Variants in DOCK1 observed in about 807,000 individuals in gnomAD.
DOCK1 encodes the protein dedicator of cytokinesis protein 1.
A neutral mutation model predicts 262.7 loss-of-function variants in DOCK1; 138 were observed. That is an observed-to-expected ratio of 0.53 (90% confidence interval 0.46 to 0.61). DOCK1 has a LOEUF of 0.61. DOCK1 is among the 20% of genes least tolerant of loss of function. DOCK1 has a pLI of 0.00. For missense variants in DOCK1, 1,908 were observed against 2,370.7 expected, an observed-to-expected ratio of 0.80 and a Z score of 4.05; for synonymous variants, 866 against 867.4, an observed-to-expected ratio of 1.00 and a Z score of 0.03.
chr10:127,204,940 G>C (rs1475105904), intron 27 of DOCK1, among the ~76,000 whole-genome samples: 1 of 152,118 alleles, frequency 6.6e-6, no homozygotes, highest in Non-Finnish European at 1.5e-5. Context: ...GGGTGGCCTG[G>C]CTCTGTTTGA....
intron 28 of DOCK1, among the ~76,000 whole-genome samples, chr10:127,250,906 G>A (rs1221451061): frequency 6.7e-6 from 1 of 148,312 alleles, no homozygotes; most frequent in Non-Finnish European, 1.5e-5. Flanking sequence ...CAGAACTTTT[G>A]TAAAATGTGT....
At chr10:127,442,026 C>T (rs870417) in intron 49 of DOCK1, among the ~76,000 whole-genome samples, 2,724 of 152,210 alleles carry the variant, frequency 0.018, 73 homozygotes, top group African/African-American at 0.063. Flanking sequence ...GCGCTTCACC[C>T]GGCCTTTCCT....
rs909068370 is a variant in DOCK1 at position 127,095,936 on chromosome 10, C to T, written c.2446-10295C>T. Among the ~76,000 whole-genome samples the T allele has an allele frequency of 1.4e-4, 22 of 152,242 alleles. 1 individual carries two copies. The highest frequency in any genetic ancestry group is 5.1e-4 in the African/African-American group (21 of 41,548). Reference sequence around the variant, plus strand: ...AACACGCAGATACTTGTGGGAACAACGTCCCTCAGGCGTTAAATTGACATT... The same window carrying T: ...AACACGCAGATACTTGTGGGAACAATGTCCCTCAGGCGTTAAATTGACATT... On this transcript the variant is annotated intron_variant, in intron 23 of 51. Coordinates refer to ENST00000623213, the MANE Select transcript of DOCK1 (RefSeq NM_001290223.2).
intron 27 of DOCK1, among the ~76,000 whole-genome samples, chr10:127,154,421 T>C (rs1057230792): frequency 6.6e-6 from 1 of 152,174 alleles, no homozygotes; most frequent in South Asian, 2.1e-4. Flanking sequence ...TGAAAAAAAA[T>C]TGAAAGCATA....
chr10:127,122,629 ATT>A (rs34009633), intron 25 of DOCK1, among the ~76,000 whole-genome samples: 1,487 of 144,704 alleles, frequency 0.01, 11 homozygotes, highest in African/African-American at 0.026. Flanking sequence ...GGTTATAACA[ATT>A]TTTTTTTTTT....
rs778147174 is a variant in DOCK1, at chr10:127,374,128, C to T, written c.3589C>T (p.Arg1197Cys). Residue 1197 changes from arginine to cysteine, a missense_variant, in exon 35 of 52, where the codon CGC becomes TGC. Physicochemically the swap from Arg to Cys is radical, Grantham distance 180. Around this residue, in one of 9 missense-constraint regions of DOCK1, gnomAD observed 518 missense variants for 575.1 expected, o/e 0.90. Coordinates refer to ENST00000623213, the MANE Select transcript of DOCK1 (RefSeq NM_001290223.2). ...AGAAACTTTTGTAAAACTCGTTGTG[C>T]GCTTAATGGAAAGGCTTTTGGATTA... is the stretch of plus-strand genomic sequence containing the variant. ...TGETFVKLVV[R>C]LMERLLDYRT... 1.2e-5 allele frequency: 20 copies of T among 1,613,500 alleles called. No individual in the cohort carries two copies. The highest frequency in any genetic ancestry group is 1.6e-4 in the Middle Eastern group (1 of 6,084).
At chr10:127,412,032 A>G (rs7923230) in intron 43 of DOCK1, among the ~76,000 whole-genome samples, 38,757 of 151,492 alleles carry the variant, frequency 0.26, 5,250 homozygotes, top group African/African-American at 0.33. Context: ...CCATGATCTC[A>G]GCTCACTGCA....
intron 1 of DOCK1, among the ~76,000 whole-genome samples, chr10:126,906,989 G>A (rs1207812476): frequency 2.6e-5 from 4 of 152,154 alleles, no homozygotes; most frequent in Non-Finnish European, 5.9e-5. Context: ...TTGCAGATGA[G>A]GAAACTGAGG....
intron 1 of DOCK1, among the ~76,000 whole-genome samples, chr10:126,969,307 C>T (rs2037914252): frequency 6.6e-6 from 1 of 152,212 alleles, no homozygotes; most frequent in Non-Finnish European, 1.5e-5. Context: ...CTTTAGCTGT[C>T]TGTAGAGACC....
chr10:127,435,997 C>T (rs1211950504), intron 48 of DOCK1, among the ~76,000 whole-genome samples: 1 of 152,212 alleles, frequency 6.6e-6, no homozygotes, highest in Non-Finnish European at 1.5e-5. Flanking sequence ...ACAGCATCTA[C>T]TAATCCTTTT....
chr10:127,130,823 C>T (rs902430972), intron 27 of DOCK1, among the ~76,000 whole-genome samples: 2 of 152,188 alleles, frequency 1.3e-5, no homozygotes, highest in African/African-American at 4.8e-5. Context: ...CCCATGTATG[C>T]TGTCAGTCCC....
intron 27 of DOCK1, among the ~76,000 whole-genome samples, chr10:127,202,207 C>T (rs147223369): frequency 3.8e-4 from 58 of 152,186 alleles, no homozygotes; most frequent in African/African-American, 1.4e-3. Flanking sequence ...ACTGTAATCC[C>T]AGCTAGTCGG....
rs71474205 is a variant in DOCK1 at position 127,100,410 on chromosome 10, C to T, written c.2446-5821C>T. ...ATGCAGCTGGGGCTTGGCGGTGCAG[C>T]GCCTGGCACTGGAATCCCTAGGGAA... is the stretch of plus-strand genomic sequence containing the variant. On this transcript the variant is annotated intron_variant, in intron 23 of 51. Coordinates refer to ENST00000623213, the MANE Select transcript of DOCK1 (RefSeq NM_001290223.2). The surrounding 1 kb of genome is among the most constrained non-coding windows in gnomAD (Gnocchi z 5.5). 0.16 allele frequency among the ~76,000 whole-genome samples: 24,055 copies of T among 152,098 alleles called. 2,238 individuals carry two copies. Among genetic ancestry groups the T allele is most frequent in the African/African-American group, 0.26 (10,603 of 41,502 alleles).
chr10:127,093,550 C>T (rs767704461), intron 23 of DOCK1, among the ~76,000 whole-genome samples: 5 of 151,882 alleles, frequency 3.3e-5, no homozygotes, highest in East Asian at 3.9e-4. Context: ...GACTGGGTTT[C>T]GCTATGTTGC....
intron 27 of DOCK1, among the ~76,000 whole-genome samples, chr10:127,173,580 T>C (rs1340390728): frequency 6.6e-6 from 1 of 152,216 alleles, no homozygotes; most frequent in African/African-American, 2.4e-5. Flanking sequence ...TTTTACACCA[T>C]TTGGTGAACT....
chr10:126,948,566 G>T (rs1159634449), intron 1 of DOCK1, among the ~76,000 whole-genome samples: 5 of 152,024 alleles, frequency 3.3e-5, no homozygotes, highest in South Asian at 2.1e-4. Flanking sequence ...GTGGGGTCGG[G>T]ATAGGCACCC....
At chr10:127,201,096 TC>T (rs1217739962) in intron 27 of DOCK1, among the ~76,000 whole-genome samples, 1 of 152,226 alleles carries the variant, frequency 6.6e-6, no homozygotes, top group African/African-American at 2.4e-5. Flanking sequence ...TCGAGATCAT[TC>T]CCTTGGGGAC....
At chr10:127,348,636 G>A (rs928006426) in intron 31 of DOCK1, among the ~76,000 whole-genome samples, 4 of 19,756 alleles carry the variant, frequency 2.0e-4, no homozygotes, top group East Asian at 4.8e-4. Flanking sequence ...CAGTTTTGGC[G>A]GGGTGGGTGG....
intron 29 of DOCK1, among the ~76,000 whole-genome samples, chr10:127,279,278 G>A (rs1270370540): frequency 6.6e-6 from 1 of 152,126 alleles, no homozygotes; most frequent in Non-Finnish European, 1.5e-5. Context: ...TTTAGGGCAG[G>A]CCATACTTTA....
Sources: gnomAD v4.1 joint callset for allele counts (sites outside exome capture counted in the v4.1 genomes callset) on GRCh38, gnomAD v4.1.1 for gene constraint, gnomAD v4.1.1 regional missense constraint, Gnocchi (gnomAD v3.1) non-coding constraint, MANE v1.5 for transcripts, NCBI Gene and HGNC (gene_info 2026-07-23, HGNC 2026-07-21) for gene names.